The following MMP16 variants were observed in gnomAD, a reference collection of about 807,000 sequenced individuals.
MMP16 encodes the protein matrix metallopeptidase 16.
In MMP16, 12 loss-of-function variants were observed where a neutral mutation model predicts 67.8. The ratio of observed to expected loss-of-function variants is 0.18; its 90% CI spans 0.11 to 0.29. The LOEUF is 0.29. MMP16 is among the 10% of genes least tolerant of loss of function. MMP16 has a pLI of 1.00. For missense variants in MMP16, 475 were observed against 765.7 expected, an observed-to-expected ratio of 0.62 and a Z score of 4.48; for synonymous variants, 249 against 255.9, an observed-to-expected ratio of 0.97 and a Z score of 0.26.
intron 6 of MMP16, among the ~76,000 whole-genome samples, chr8:88,086,020 T>C (rs1808828002): frequency 6.6e-6 from 1 of 151,840 alleles, no homozygotes; most frequent in Non-Finnish European, 1.5e-5. Context: ...TTAATTTTTA[T>C]CCAATTTCTA....
At position 88,034,236 on chromosome 8, in the gene MMP16, T is replaced by G. The variant is rs1382805775; in HGVS notation, c.*7225A>C. The G allele has an allele frequency of 7.6e-6, 1 of 132,114 alleles. No homozygotes were observed. The allele number at this position is 132,114 out of a possible 1,614,324, so 8.2% of individuals were successfully genotyped here. A position where few individuals can be genotyped will look rare whatever the true frequency, so the allele number is the denominator to read the frequency against. ...CAAAGGGAAGGGAAAACCAAATCTG[T>G]GTAAAAAAAAAAAAAAAAGGCAAGA... On this transcript the variant is annotated 3_prime_UTR_variant, in exon 10 of 10. Coordinates refer to ENST00000286614, the MANE Select transcript of MMP16 (RefSeq NM_005941.5).
Position 88,295,117 on chromosome 8 carries a change from T to C in MMP16, c.132+31958A>G, listed in dbSNP as rs193214667. Reference sequence around the variant, plus strand: ...TAAGTATCCCCTTTATCCTACAAAATATTGTGCACACTTGGGATATGGCAT... The same window carrying C: ...TAAGTATCCCCTTTATCCTACAAAACATTGTGCACACTTGGGATATGGCAT... On this transcript the variant is annotated intron_variant, in intron 1 of 9. Coordinates refer to ENST00000286614, the MANE Select transcript of MMP16 (RefSeq NM_005941.5). Among the ~76,000 whole-genome samples the C allele has an allele frequency of 2.4e-3, 367 of 152,288 alleles. 1 individual carries two copies. Among genetic ancestry groups the C allele is most frequent in the Non-Finnish European group, 4.1e-3 (278 of 68,012 alleles).
intron 1 of MMP16, among the ~76,000 whole-genome samples, chr8:88,305,394 T>C (rs2130053181): frequency 6.6e-6 from 1 of 152,088 alleles, no homozygotes; most frequent in East Asian, 1.9e-4. Context: ...AGACAGAAAA[T>C]TAACAAAGAT....
intron 1 of MMP16, among the ~76,000 whole-genome samples, chr8:88,310,005 T>G (rs1811271625): frequency 6.6e-6 from 1 of 152,112 alleles, no homozygotes; most frequent in South Asian, 2.1e-4. Flanking sequence ...CAAAGAGGGA[T>G]GGAAATCAGT....
At chr8:88,119,593 G>C (rs1032527526) in intron 4 of MMP16, among the ~76,000 whole-genome samples, 1 of 151,928 alleles carries the variant, frequency 6.6e-6, no homozygotes, top group African/African-American at 2.4e-5. Flanking sequence ...GAAATCTATT[G>C]AGTAAAAACT....
chr8:88,175,960 T>A (rs1726473528), intron 3 of MMP16, among the ~76,000 whole-genome samples: 1 of 152,214 alleles, frequency 6.6e-6, no homozygotes. Flanking sequence ...GCCATGATTG[T>A]GAGGCCTCCC....
At chr8:88,182,267 T>C (rs2129741301) in intron 3 of MMP16, among the ~76,000 whole-genome samples, 1 of 152,190 alleles carries the variant, frequency 6.6e-6, no homozygotes, top group African/African-American at 2.4e-5. Flanking sequence ...GAAAGACTAA[T>C]ATACACAATA....
chr8:88,058,772 T>A lies in MMP16; in HGVS notation c.1223-2494A>T, dbSNP rs1808361413. On this transcript the variant is annotated intron_variant, in intron 7 of 9. Coordinates refer to ENST00000286614, the MANE Select transcript of MMP16 (RefSeq NM_005941.5). The surrounding 1 kb of genome is among the most constrained non-coding windows in gnomAD (Gnocchi z 4.2). ...GAGTGTATAATGATAGAGGTGAGGA[T>A]CATGTAACCCCTGTAGGAGTTGAAC... Among the ~76,000 whole-genome samples, 1 of 152,126 alleles carries A rather than the reference T, an allele frequency of 6.6e-6. No individual in the cohort carries two copies. Among genetic ancestry groups the A allele is most frequent in the Non-Finnish European group, 1.5e-5 (1 of 67,954 alleles).
chr8:88,107,324 A>G (rs1011007861), intron 6 of MMP16, among the ~76,000 whole-genome samples: 1 of 151,100 alleles, frequency 6.6e-6, no homozygotes, highest in East Asian at 1.9e-4. Flanking sequence ...AATGAATATC[A>G]TAATTTTCAT....
chr8:88,271,180 A>G (rs1810557081), intron 1 of MMP16, among the ~76,000 whole-genome samples: 1 of 152,210 alleles, frequency 6.6e-6, no homozygotes, highest in Non-Finnish European at 1.5e-5. Flanking sequence ...AAAAGAAGTG[A>G]TTGTTTATAG....
At chr8:88,233,382 A>G (rs1809892475) in intron 1 of MMP16, among the ~76,000 whole-genome samples, 1 of 152,128 alleles carries the variant, frequency 6.6e-6, no homozygotes, top group Non-Finnish European at 1.5e-5. Context: ...CAAACCAGAT[A>G]CCTTGCCCTT....
chr8:88,243,801 C>G (rs1304214703), intron 1 of MMP16, among the ~76,000 whole-genome samples: 4 of 152,074 alleles, frequency 2.6e-5, no homozygotes, highest in African/African-American at 9.7e-5. Flanking sequence ...TGGGCAACTG[C>G]TCAAAAGAGA....
chr8:88,297,582 G>T (rs1477390975), intron 1 of MMP16, among the ~76,000 whole-genome samples: 2 of 152,184 alleles, frequency 1.3e-5, no homozygotes, highest in African/African-American at 4.8e-5. Flanking sequence ...GCCAGAGAGG[G>T]TCTTGATACA....
chr8:88,182,762 T>G (rs1157520556), intron 3 of MMP16, among the ~76,000 whole-genome samples: 1 of 152,152 alleles, frequency 6.6e-6, no homozygotes, highest in Admixed American at 6.5e-5. Context: ...AACACAAATG[T>G]GTATACTGGC....
intron 7 of MMP16, chr8:88,069,257 C>A (rs1309753634): frequency 3.1e-6 from 1 of 323,364 alleles, no homozygotes; most frequent in African/African-American, 2.3e-5. Context: ...TTGTTGTTTT[C>A]AATGTAGAGG....
intron 7 of MMP16, among the ~76,000 whole-genome samples, chr8:88,059,854 A>T (rs1808375300): frequency 6.6e-6 from 1 of 151,928 alleles, no homozygotes. Flanking sequence ...CCCTCTAAGC[A>T]GGGGAAATTG....
intron 6 of MMP16, among the ~76,000 whole-genome samples, chr8:88,114,928 T>TGATC (rs1290172299): frequency 2.6e-5 from 4 of 151,974 alleles, no homozygotes; most frequent in Non-Finnish European, 5.9e-5. Context: ...CAGGAACCAG[T>TGATC]GATCACAGGA....
intron 1 of MMP16, among the ~76,000 whole-genome samples, chr8:88,228,615 T>C (rs1184286832): frequency 6.6e-6 from 1 of 152,096 alleles, no homozygotes; most frequent in Non-Finnish European, 1.5e-5. Context: ...GTATATACAA[T>C]TAAACAGAAT....
At chr8:88,275,019 G>T (rs1474744508) in intron 1 of MMP16, among the ~76,000 whole-genome samples, 1 of 151,796 alleles carries the variant, frequency 6.6e-6, no homozygotes, top group African/African-American at 2.4e-5. Flanking sequence ...AAAGATTATT[G>T]TCTTCTAAAA....
Sources: gnomAD v4.1 joint callset for allele counts (sites outside exome capture counted in the v4.1 genomes callset) on GRCh38, gnomAD v4.1.1 for gene constraint, Gnocchi (gnomAD v3.1) non-coding constraint, MANE v1.5 for transcripts, NCBI Gene and HGNC (gene_info 2026-07-23, HGNC 2026-07-21) for gene names.